SPIN1: variants seen among roughly 807,000 people sequenced by gnomAD.
SPIN1 encodes spindlin-1.
A neutral mutation model predicts 26.0 loss-of-function variants in SPIN1; 3 were observed. That is an observed-to-expected ratio of 0.12 (90% CI 0.05 to 0.30). The LOEUF is 0.30. Ranked by LOEUF, SPIN1 falls within the 10% of genes least tolerant of loss-of-function variation. The pLI is 1.00. For missense variants in SPIN1, 126 were observed against 333.4 expected (o/e 0.38, Z 4.84); for synonymous variants, 101 against 116.5 (o/e 0.87, Z 0.86).
chr9:88,401,725 G>A (rs553006819), intron 1 of SPIN1, among the ~76,000 whole-genome samples: 10 of 152,292 alleles, frequency 6.6e-5, no homozygotes, highest in East Asian at 5.8e-4. Context: ...AGGGATAAGA[G>A]GCCAAGGGCC....
intron 1 of SPIN1, among the ~76,000 whole-genome samples, chr9:88,419,764 GC>G (rs1827637097): frequency 6.6e-6 from 1 of 152,166 alleles, no homozygotes; most frequent in South Asian, 2.1e-4. Context: ...TGTAGGTGGT[GC>G]CATTGTTTTG....
intron 1 of SPIN1, among the ~76,000 whole-genome samples, chr9:88,415,410 T>C (rs562317569): frequency 6.6e-6 from 1 of 152,216 alleles, no homozygotes; most frequent in South Asian, 2.1e-4. Context: ...AACATTGTCC[T>C]TAAGTTCCAT....
At chr9:88,473,265 C>T (rs907915847) in intron 5 of SPIN1, among the ~76,000 whole-genome samples, 21 of 138,544 alleles carry the variant, frequency 1.5e-4, no homozygotes, top group African/African-American at 6.3e-4. Flanking sequence ...TGGTGGAGGG[C>T]GCCTGTAGTC....
At chr9:88,396,293 C>T (rs1010846712) in intron 1 of SPIN1, among the ~76,000 whole-genome samples, 1 of 151,424 alleles carries the variant, frequency 6.6e-6, no homozygotes, top group African/African-American at 2.4e-5. Context: ...CAGCTTTTTA[C>T]TTAAAACTCT....
chr9:88,404,458 T>C (rs1827253028), intron 1 of SPIN1, among the ~76,000 whole-genome samples: 1 of 152,218 alleles, frequency 6.6e-6, no homozygotes, highest in Admixed American at 6.5e-5. Context: ...TTTTACTTTA[T>C]GAAGTTCATA....
At chr9:88,420,727 T>C (rs1057422218) in intron 1 of SPIN1, among the ~76,000 whole-genome samples, 1 of 152,244 alleles carries the variant, frequency 6.6e-6, no homozygotes, top group African/African-American at 2.4e-5. Flanking sequence ...GGGTCTTCTC[T>C]GGAGCCCTTT....
intron 1 of SPIN1, chr9:88,415,757 T>G (rs995356971): frequency 1.3e-5 from 2 of 152,032 alleles, no homozygotes; most frequent in African/African-American, 4.8e-5. Context: ...AATAATTTTT[T>G]TTTTGAGATG....
At chr9:88,468,237 TC>T (rs1828710114) in intron 4 of SPIN1, 134 bp from the exon 5 acceptor site, 1 of 560,258 alleles carries the variant, frequency 1.8e-6, no homozygotes, top group African/African-American at 1.9e-5. Flanking sequence ...TTTAAAGCTT[TC>T]CCAGATTCTG....
intron 2 of SPIN1, among the ~76,000 whole-genome samples, chr9:88,434,843 G>A (rs1315558804): frequency 1.3e-5 from 2 of 152,050 alleles, no homozygotes; most frequent in Non-Finnish European, 2.9e-5. Flanking sequence ...GGTCACTTGA[G>A]GAGTTTGAGA....
intron 1 of SPIN1, among the ~76,000 whole-genome samples, chr9:88,414,073 C>CAT (rs531140533): frequency 3.3e-5 from 5 of 151,544 alleles, no homozygotes; most frequent in Admixed American, 6.6e-5. Context: ...TAAGAAGTGA[C>CAT]ATATAGGGCA....
chr9:88,423,729 T>TG (rs1827714912), intron 1 of SPIN1, among the ~76,000 whole-genome samples: 1 of 149,716 alleles, frequency 6.7e-6, no homozygotes, highest in Admixed American at 6.6e-5. Flanking sequence ...ATCATGTATT[T>TG]TTTTTTTTTT....
chr9:88,426,929 T>A (rs2118025318), intron 2 of SPIN1, among the ~76,000 whole-genome samples: 1 of 152,320 alleles, frequency 6.6e-6, no homozygotes, highest in South Asian at 2.1e-4. Flanking sequence ...TTTAGTGTAC[T>A]GAGAGCAACT....
At position 88,466,324 on chromosome 9, in the gene SPIN1, A is replaced by C. The variant is rs115930499; in HGVS notation, c.356-2048A>C. ...CAGGCACTCACCACAGTACCCTGCT[A>C]ATTTTTAACTTTTTGTAGAGATGAG... On this transcript the variant is annotated intron_variant, in intron 4 of 5. Coordinates refer to ENST00000375859, the MANE Select transcript of SPIN1 (RefSeq NM_006717.3). Among the ~76,000 whole-genome samples, 1,131 of 152,238 alleles carry C rather than the reference A, an allele frequency of 7.4e-3. 16 individuals are homozygous for C. Among genetic ancestry groups the C allele is most frequent in the African/African-American group, 0.025 (1,058 of 41,550 alleles).
intron 1 of SPIN1, among the ~76,000 whole-genome samples, chr9:88,399,521 A>G (rs1031337737): frequency 6.6e-6 from 1 of 152,094 alleles, no homozygotes; most frequent in African/African-American, 2.4e-5. Context: ...GGTGGCCTGT[A>G]AGAGTTGGAT....
chr9:88,458,915 A>G (rs1334311851), intron 3 of SPIN1, among the ~76,000 whole-genome samples: 1 of 152,214 alleles, frequency 6.6e-6, no homozygotes, highest in African/African-American at 2.4e-5. Context: ...CTGTGCTCAT[A>G]GTCTGCGATC....
rs146765854 is a variant in SPIN1, at chr9:88,398,862, C to T, written c.-159+10324C>T. On this transcript the variant is annotated intron_variant, in intron 1 of 5. Transcript: ENST00000375859. ...GATTACAGGCGTGAGCCACCGTGCC[C>T]GGCCTTGTTGACTTTTAATTGTAAT... Among the ~76,000 whole-genome samples, 853 of 151,776 alleles carry T rather than the reference C, an allele frequency of 5.6e-3. 9 individuals are homozygous for T. The highest frequency in any genetic ancestry group is 8.8e-3 in the Non-Finnish European group (598 of 67,888).
intron 2 of SPIN1, among the ~76,000 whole-genome samples, chr9:88,431,356 T>A (rs1043210109): frequency 4.6e-5 from 7 of 151,488 alleles, no homozygotes; most frequent in African/African-American, 1.2e-4. Context: ...AGTGGCATGA[T>A]CTCGGCTCAT....
chr9:88,402,456 A>G (rs948149512), intron 1 of SPIN1, among the ~76,000 whole-genome samples: 1 of 142,970 alleles, frequency 7.0e-6, no homozygotes, highest in Non-Finnish European at 1.5e-5. Flanking sequence ...TCTCTTCCTC[A>G]CCCTTCCCAG....
At chr9:88,417,481 A>C (rs929012118) in intron 1 of SPIN1, among the ~76,000 whole-genome samples, 1 of 151,836 alleles carries the variant, frequency 6.6e-6, no homozygotes, top group African/African-American at 2.4e-5. Context: ...TTACTTATTT[A>C]TTTTTTGTGA....
Sources: gnomAD v4.1 joint callset for allele counts (sites outside exome capture counted in the v4.1 genomes callset) on GRCh38, gnomAD v4.1.1 for gene constraint, MANE v1.5 for transcripts, NCBI Gene and HGNC (gene_info 2026-07-23, HGNC 2026-07-21) for gene names.